TTLL7: variants seen among roughly 807,000 people sequenced by gnomAD.
The protein encoded by TTLL7 is tubulin tyrosine ligase like 7, also known as tubulin polyglutamylase TTLL7.
TTLL7 carries 53 observed loss-of-function variants against 120.2 expected under a neutral mutation model. That is an observed-to-expected ratio of 0.44 (90% CI 0.35 to 0.55). The LOEUF (loss-of-function observed/expected upper bound fraction) is 0.55. Ranked by LOEUF, TTLL7 falls within the 20% of genes least tolerant of loss-of-function variation. The pLI, the probability that TTLL7 is intolerant of heterozygous loss-of-function variation, is 0.00. For synonymous variants in TTLL7, 353 were observed against 351.7 expected (o/e 1.00, Z -0.04); for missense variants, 803 against 1,054.7 (o/e 0.76, Z 3.31).
In TTLL7 at chr1:83,996,761, A is replaced by G. The variant is rs576580338; in HGVS notation, c.-177+2170T>C. 2.2e-4 allele frequency among the ~76,000 whole-genome samples: 33 copies of G among 152,306 alleles called. No individual in the cohort carries two copies. In the Middle Eastern group the frequency reaches 0.014, roughly 63 times the overall value. ...GAGGAGAGAGAGCAGTTCTAAAGCC[A>G]AGTTGGTATTATATTCATACTCTCA... is the stretch of plus-strand genomic sequence containing the variant. On this transcript the variant is annotated intron_variant, in intron 1 of 20. Transcript: ENST00000260505.
Position 83,960,276 on chromosome 1 carries a change from A to T in TTLL7, c.-176-7889T>A, listed in dbSNP as rs576385069. ...CTCTAAGAGGAGTAATATAATCCAGATTTATTTTTGATAGATTACACTGGC... is the reference window on the plus strand; with the variant it reads ...CTCTAAGAGGAGTAATATAATCCAGTTTTATTTTTGATAGATTACACTGGC... On this transcript the variant is annotated intron_variant, in intron 1 of 20. Coordinates refer to ENST00000260505, the MANE Select transcript of TTLL7 (RefSeq NM_024686.6). 3.3e-5 allele frequency among the ~76,000 whole-genome samples: 5 copies of T among 152,288 alleles called. No homozygotes were observed. In the South Asian group the frequency reaches 1.0e-3, roughly 32 times the overall value.
intron 18 of TTLL7, among the ~76,000 whole-genome samples, chr1:83,894,324 C>A (rs754451854): frequency 6.6e-6 from 1 of 151,988 alleles, no homozygotes. Context: ...TTGATACTGG[C>A]AATTTTAACG....
Position 83,947,167 on chromosome 1 carries a change from T to C in TTLL7, c.463A>G (p.Lys155Glu). Residue 155 changes from lysine (K) to glutamate (E), a missense_variant, in exon 6 of 21, where the codon AAA becomes GAA. Coordinates refer to ENST00000260505, the MANE Select transcript of TTLL7 (RefSeq NM_024686.6). ...VKELKKKRKQ[K>E]TFIVKPANGA... is the part of the protein sequence containing the mutation. Reference sequence around the variant, plus strand: ...TTAGCTGGTTTCACTATAAAAGTTTTCTGCTTCCGTTTTTTCTTCAATTCT... The same window carrying C: ...TTAGCTGGTTTCACTATAAAAGTTTCCTGCTTCCGTTTTTTCTTCAATTCT... 6.2e-7 allele frequency: 1 copy of C among 1,613,500 alleles called. No individual in the cohort carries two copies. The highest frequency in any genetic ancestry group is 1.7e-5 in the Admixed American group (1 of 59,946).
chr1:83,895,788 C>A (rs189565656), intron 18 of TTLL7, among the ~76,000 whole-genome samples: 15 of 152,192 alleles, frequency 9.9e-5, no homozygotes, highest in Admixed American at 3.9e-4. Context: ...TTTCCAGATG[C>A]CAGCAGCAAA....
rs1653810564 is a variant in TTLL7, at chr1:83,875,072, ATGAG to A, written c.2544-4994_2544-4991del. ...ACATAAAACATAAATGTTCCATTGAATGAGTATTATAAAGTTGTGTCATTATCAC... is the reference window on the plus strand; with the variant it reads ...ACATAAAACATAAATGTTCCATTGAATATTATAAAGTTGTGTCATTATCAC... On this transcript the variant is annotated intron_variant, in intron 20 of 20. Coordinates refer to ENST00000260505, the MANE Select transcript of TTLL7 (RefSeq NM_024686.6). 3.3e-5 allele frequency among the ~76,000 whole-genome samples: 5 copies of A among 152,028 alleles called. No homozygotes were observed. In the South Asian group the frequency reaches 1.0e-3, roughly 31 times the overall value.
intron 14 of TTLL7, among the ~76,000 whole-genome samples, chr1:83,915,598 T>C (rs1318629065): frequency 2.0e-5 from 3 of 152,064 alleles, no homozygotes; most frequent in Admixed American, 1.3e-4. Context: ...ACTTCATGTC[T>C]AAAACACCAA....
chr1:83,988,508 T>C (rs1293978632), intron 1 of TTLL7, among the ~76,000 whole-genome samples: 1 of 152,358 alleles, frequency 6.6e-6, no homozygotes, highest in East Asian at 1.9e-4. Flanking sequence ...ACCAGTAGTG[T>C]ATAAGCGTTC....
At chr1:83,916,996 G>A (rs1347502392) in intron 14 of TTLL7, among the ~76,000 whole-genome samples, 14 of 151,734 alleles carry the variant, frequency 9.2e-5, no homozygotes, top group Non-Finnish European at 1.5e-5. Context: ...AGCTACTCAG[G>A]AGGCTGAGGC....
intron 6 of TTLL7, among the ~76,000 whole-genome samples, chr1:83,944,663 A>C (rs932986382): frequency 5.9e-5 from 9 of 152,170 alleles, no homozygotes; most frequent in Non-Finnish European, 1.5e-5. Context: ...AGCCAAGATC[A>C]TGCCACTGCA....
At chr1:83,906,174 C>A (rs1281555184) in intron 17 of TTLL7, among the ~76,000 whole-genome samples, 155 bp downstream of exon 17, 7 of 151,874 alleles carry the variant, frequency 4.6e-5, no homozygotes, top group Non-Finnish European at 4.4e-5. Context: ...TTAAAATAAA[C>A]CCCTGTATTT....
intron 18 of TTLL7, among the ~76,000 whole-genome samples, chr1:83,892,699 T>C (rs1418276942): frequency 6.7e-6 from 1 of 149,952 alleles, no homozygotes. Flanking sequence ...TATGAACATA[T>C]ATATGAACAT....
chr1:83,978,628 T>A (rs1184893736), intron 1 of TTLL7, among the ~76,000 whole-genome samples: 1 of 152,192 alleles, frequency 6.6e-6, no homozygotes, highest in Non-Finnish European at 1.5e-5. Flanking sequence ...TGTAACTGAT[T>A]TTTATAACTC....
chr1:83,960,639 T>C (rs1381679866), intron 1 of TTLL7, among the ~76,000 whole-genome samples: 4 of 152,010 alleles, frequency 2.6e-5, no homozygotes, highest in African/African-American at 7.2e-5. Context: ...AATAAGACAA[T>C]AGAATTAGTG....
At chr1:83,946,296 C>T (rs1557705624) in intron 6 of TTLL7, 1 of 152,178 alleles carries the variant, frequency 6.6e-6, no homozygotes, top group Non-Finnish European at 1.5e-5. Context: ...CGTGATCCGC[C>T]CGCCTCGGCC....
At chr1:83,931,880 C>T (rs1434333981) in intron 9 of TTLL7, among the ~76,000 whole-genome samples, 1 of 152,132 alleles carries the variant, frequency 6.6e-6, no homozygotes, top group African/African-American at 2.4e-5. Context: ...AGGTTTTTAA[C>T]AATGTATATT....
chr1:83,933,593 TAAAGAA>T lies in TTLL7; in HGVS notation c.1047+9_1047+14del, dbSNP rs1357947305. On this transcript the variant is annotated intron_variant, in intron 9 of 20. Coordinates refer to ENST00000260505, the MANE Select transcript of TTLL7 (RefSeq NM_024686.6). ...GACAGTGATAACTCTTCTTTTTTCTTAAAGAATGCCTTACCTCCAGAAGCCATGGCT... is the reference window on the plus strand; with the variant it reads ...GACAGTGATAACTCTTCTTTTTTCTTTGCCTTACCTCCAGAAGCCATGGCT... 1.2e-6 allele frequency: 2 copies of T among 1,605,568 alleles called. No individual in the cohort carries two copies. The highest frequency in any genetic ancestry group is 1.7e-5 in the Admixed American group (1 of 57,856).
intron 1 of TTLL7, among the ~76,000 whole-genome samples, chr1:83,965,565 T>C (rs780269060): frequency 1.3e-5 from 2 of 152,156 alleles, no homozygotes; most frequent in Non-Finnish European, 2.9e-5. Context: ...GGTATTATAA[T>C]ACTTGGTATG....
intron 1 of TTLL7, among the ~76,000 whole-genome samples, chr1:83,976,094 C>T (rs891028189): frequency 6.7e-6 from 1 of 149,568 alleles, no homozygotes; most frequent in African/African-American, 2.5e-5. Flanking sequence ...TGTACTATGT[C>T]AAGAAGTAAA....
intron 14 of TTLL7, among the ~76,000 whole-genome samples, chr1:83,911,916 A>G (rs913198889): frequency 6.6e-6 from 1 of 151,992 alleles, no homozygotes; most frequent in Non-Finnish European, 1.5e-5. Flanking sequence ...GAATACTAAA[A>G]CATTGCCTGT....
Sources: allele counts gnomAD v4.1 joint callset (sites outside exome capture counted in the v4.1 genomes callset), GRCh38; gene constraint gnomAD v4.1.1; transcripts MANE v1.5; gene names NCBI Gene and HGNC (gene_info 2026-07-23, HGNC 2026-07-21).